The following ADAMTS12 variants were observed in gnomAD, a reference collection of about 807,000 sequenced individuals.
The protein encoded by ADAMTS12 is A disintegrin and metalloproteinase with thrombospondin motifs 12.
In ADAMTS12, 118 loss-of-function variants were observed where a neutral mutation model predicts 167.8. The ratio of observed to expected loss-of-function variants is 0.70; its 90% CI spans 0.61 to 0.82. The LOEUF (loss-of-function observed/expected upper bound fraction) is 0.82, where lower values mean the gene tolerates loss of function less well. Among genes scored for constraint, ADAMTS12 ranks in the 40% least tolerant of loss-of-function variants. The pLI is 0.00. For missense variants in ADAMTS12, 1,916 were observed against 1,998.8 expected (o/e 0.96, Z 0.79); for synonymous variants, 704 against 716.9 (o/e 0.98, Z 0.29).
chr5:33,809,111 TTTTGGTCTCAC>T (rs1747348437), intron 2 of ADAMTS12, among the ~76,000 whole-genome samples: 1 of 152,234 alleles, frequency 6.6e-6, no homozygotes. Flanking sequence ...ATTGTTTTTG[TTTTGGTCTCAC>T]TTTGAATGAT....
At position 33,631,043 on chromosome 5, in the gene ADAMTS12, G is replaced by C. The variant is rs1007664028; in HGVS notation, c.1889-130C>G. ...CAATCCCACCTTTTCACCTCCTTGA[G>C]ACACATGCTGAAATATGCCTCAAGA... On this transcript the variant is annotated intron_variant, in intron 12 of 23. Transcript: ENST00000504830. 8.1e-6 allele frequency: 8 copies of C among 993,306 alleles called. No individual in the cohort carries two copies. The Admixed American group carries it at 1.1e-4, about 13-fold the overall frequency. The allele number at this position is 993,306 out of a possible 1,614,324, so 61.5% of individuals were successfully genotyped here.
chr5:33,688,035 C>T lies in ADAMTS12; in HGVS notation c.635-3980G>A, dbSNP rs142309554. 1.9e-4 allele frequency among the ~76,000 whole-genome samples: 29 copies of T among 152,240 alleles called. No individual in the cohort carries two copies. The East Asian group carries it at 5.6e-3, about 29-fold the overall frequency. ...TAATTTCCTGTTTTAAATAACAGGA[C>T]TCTCTAATTAGGCTTTAAGCAACTA... On this transcript the variant is annotated intron_variant, in intron 3 of 23. Coordinates refer to ENST00000504830, the MANE Select transcript of ADAMTS12 (RefSeq NM_030955.4).
At chr5:33,857,837 A>C (rs1474621697) in intron 2 of ADAMTS12, among the ~76,000 whole-genome samples, 1 of 152,252 alleles carries the variant, frequency 6.6e-6, no homozygotes, top group Non-Finnish European at 1.5e-5. Flanking sequence ...ATATGCATCA[A>C]ACAACAGAGA....
At chr5:33,852,650 G>T (rs1228074267) in intron 2 of ADAMTS12, among the ~76,000 whole-genome samples, 1 of 152,208 alleles carries the variant, frequency 6.6e-6, no homozygotes, top group African/African-American at 2.4e-5. Flanking sequence ...GCAAGTTAGA[G>T]AAACGGTCTG....
chr5:33,797,931 G>C (rs1329481116), intron 2 of ADAMTS12, among the ~76,000 whole-genome samples: 1 of 152,082 alleles, frequency 6.6e-6, no homozygotes, highest in East Asian at 1.9e-4. Flanking sequence ...AACATAAAAA[G>C]TGAACATAAA....
intron 3 of ADAMTS12, among the ~76,000 whole-genome samples, chr5:33,727,477 C>G (rs1744026087): frequency 6.6e-6 from 1 of 152,246 alleles, no homozygotes; most frequent in South Asian, 2.1e-4. Context: ...GCTTTACAGA[C>G]TGTCCTGAGG....
chr5:33,547,129 G>C (rs898792603), intron 21 of ADAMTS12, among the ~76,000 whole-genome samples: 2 of 152,152 alleles, frequency 1.3e-5, no homozygotes, highest in Non-Finnish European at 2.9e-5. Context: ...TCTGAGGAGA[G>C]AGGGAGAGGA....
chr5:33,725,043 C>T (rs1276312695), intron 3 of ADAMTS12, among the ~76,000 whole-genome samples: 2 of 152,154 alleles, frequency 1.3e-5, no homozygotes, highest in Non-Finnish European at 2.9e-5. Flanking sequence ...TTTCATGATA[C>T]TACTAAGGCT....
At chr5:33,753,407 C>A (rs2112394703) in intron 2 of ADAMTS12, among the ~76,000 whole-genome samples, 1 of 152,276 alleles carries the variant, frequency 6.6e-6, no homozygotes, top group East Asian at 1.9e-4. Context: ...AGACTCTGTG[C>A]AGTACTGAGA....
chr5:33,531,391 T>C (rs1744095589), intron 23 of ADAMTS12, among the ~76,000 whole-genome samples: 1 of 152,234 alleles, frequency 6.6e-6, no homozygotes, highest in African/African-American at 2.4e-5. Context: ...ATACAAATTA[T>C]TAAGCATTTA....
chr5:33,838,798 G>GT (rs1748630407), intron 2 of ADAMTS12, among the ~76,000 whole-genome samples: 1 of 152,204 alleles, frequency 6.6e-6, no homozygotes, highest in African/African-American at 2.4e-5. Context: ...AGGGACTGAA[G>GT]TGAGTAGGAA....
At chr5:33,563,113 C>T (rs1384664190) in intron 19 of ADAMTS12, among the ~76,000 whole-genome samples, 1 of 152,128 alleles carries the variant, frequency 6.6e-6, no homozygotes, top group East Asian at 1.9e-4. Flanking sequence ...TATTCTCCTC[C>T]TTATAATTCT....
intron 1 of ADAMTS12, among the ~76,000 whole-genome samples, chr5:33,883,336 T>G (rs554209974): frequency 5.4e-5 from 8 of 149,326 alleles, no homozygotes; most frequent in East Asian, 2.0e-4. Flanking sequence ...TGTTTTTTTT[T>G]TTTTTGTTTT....
chr5:33,633,955 T>G lies in ADAMTS12; in HGVS notation c.1889-3042A>C, dbSNP rs533178319. The stretch of plus-strand genomic sequence containing the variant: ...TTCACCTAAGCAAAAGCTCTAAAAC[T>G]AATTTACTAGTGAACTCTCACCCTC... On this transcript the variant is annotated intron_variant, in intron 12 of 23. Coordinates refer to ENST00000504830, the MANE Select transcript of ADAMTS12 (RefSeq NM_030955.4). 1.1e-3 allele frequency among the ~76,000 whole-genome samples: 163 copies of G among 152,234 alleles called. 2 individuals are homozygous for G. The highest frequency in any genetic ancestry group is 1.1e-3 in the Non-Finnish European group (76 of 68,004).
intron 11 of ADAMTS12, among the ~76,000 whole-genome samples, chr5:33,638,577 T>G (rs1579785027): frequency 1.3e-5 from 2 of 152,222 alleles, no homozygotes; most frequent in Admixed American, 1.3e-4. Context: ...AAATAAATGC[T>G]ACCTCCTTCA....
At chr5:33,751,636 A>T in intron 2 of ADAMTS12, 88 bp from the exon 3 acceptor site, 2 of 1,331,644 alleles carry the variant, frequency 1.5e-6, no homozygotes, top group Non-Finnish European at 2.1e-6. Context: ...GCTTATGAGT[A>T]TCTCTGAAAC....
intron 11 of ADAMTS12, among the ~76,000 whole-genome samples, chr5:33,641,024 G>A (rs1736953137): frequency 1.3e-5 from 2 of 151,864 alleles, no homozygotes; most frequent in Admixed American, 6.6e-5. Flanking sequence ...GTAGATGAAT[G>A]TAAATTTAGA....
chr5:33,881,474 A>G lies in ADAMTS12; in HGVS notation c.134T>C (p.Phe45Ser). ...VRFPDRRQEH[F>S]IKGLPEYHVV... Reference sequence around the variant, plus strand: ...GTGGTATTCTGGCAGGCCCTTGATAAAATGCTCTGAAAGAAAAGGAGAAAT... The same window carrying G: ...GTGGTATTCTGGCAGGCCCTTGATAGAATGCTCTGAAAGAAAAGGAGAAAT... Residue 45 changes from phenylalanine (F) to serine (S), a missense_variant, in exon 2 of 24, where the codon TTT (phenylalanine) becomes TCT (serine). Physicochemically the swap from Phe to Ser is radical, Grantham distance 155. Transcript: ENST00000504830. 6.2e-7 allele frequency: 1 copy of G among 1,610,502 alleles called. No individual in the cohort carries two copies. Among genetic ancestry groups the G allele is most frequent in the Non-Finnish European group, 8.5e-7 (1 of 1,179,090 alleles).
chr5:33,574,249 A>G (rs904699178), intron 19 of ADAMTS12, among the ~76,000 whole-genome samples: 5 of 152,076 alleles, frequency 3.3e-5, no homozygotes, highest in Admixed American at 1.3e-4. Flanking sequence ...ATTACTGGGT[A>G]TATACCCAAA....
Sources: gnomAD v4.1 joint callset for allele counts (sites outside exome capture counted in the v4.1 genomes callset) on GRCh38, gnomAD v4.1.1 for gene constraint, MANE v1.5 for transcripts, NCBI Gene and HGNC (gene_info 2026-07-23, HGNC 2026-07-21) for gene names.